PIGZ: variants seen among roughly 807,000 people sequenced by gnomAD.
PIGZ encodes the protein phosphatidylinositol glycan anchor biosynthesis class Z (Gwada blood group), also known as GPI alpha-1,2-mannosyltransferase 4.
PIGZ carries 16 observed loss-of-function variants against 16.4 expected under a neutral mutation model. The observed-to-expected ratio is 0.97, with a 90% CI of 0.66 to 1.48. PIGZ has a LOEUF of 1.48. Ranked by LOEUF, PIGZ falls within the 40% of genes most tolerant of loss-of-function variation. PIGZ has a pLI of 0.00. For missense variants in PIGZ, 770 were observed against 739.2 expected, an observed-to-expected ratio of 1.04 and a Z score of -0.48; for synonymous variants, 409 against 338.4, an observed-to-expected ratio of 1.21 and a Z score of -2.29.
rs904543263 is a variant in PIGZ, at chr3:196,948,689, C to T, written c.212-4G>A. On this transcript the variant is annotated splice_polypyrimidine_tract_variant and splice_region_variant and intron_variant, in intron 2 of 2. Transcript: ENST00000412723. ...GCCTGAACGCCCAGGATGTCCTCTG[C>T]AGAGAGAGGCAGAGGTGAGCCAGTA... 1.4e-6 allele frequency: 2 copies of T among 1,445,194 alleles called. No homozygotes were observed. Among genetic ancestry groups the T allele is most frequent in the Non-Finnish European group, 1.8e-6 (2 of 1,101,862 alleles). 89.5% of individuals were successfully genotyped at this position (1,445,194 alleles called of 1,614,324 possible).
In PIGZ at chr3:196,955,573, TTTC is replaced by T. The variant is rs1393535836; in HGVS notation, c.1-3545_1-3543del. Among the ~76,000 whole-genome samples, 295 of 46,388 alleles carry T rather than the reference TTTC, an allele frequency of 6.4e-3. 1 individual carries two copies. Among genetic ancestry groups the T allele is most frequent in the African/African-American group, 0.023 (278 of 12,186 alleles). 30.4% of individuals were successfully genotyped at this position (46,388 alleles called of 152,430 possible). ...CCAGCCTTTTCTTTTCTTTTCTTTCTTTCTTTTTTTTTTTTTTTTTTTTGAGAT... is the reference window on the plus strand; with the variant it reads ...CCAGCCTTTTCTTTTCTTTTCTTTCTTTTTTTTTTTTTTTTTTTTTGAGAT... On this transcript the variant is annotated intron_variant, in intron 1 of 2. Coordinates refer to ENST00000412723, the MANE Select transcript of PIGZ (RefSeq NM_025163.4).
chr3:196,960,825 A>C (rs1717694146), intron 1 of PIGZ, among the ~76,000 whole-genome samples: 1 of 152,190 alleles, frequency 6.6e-6, no homozygotes, highest in African/African-American at 2.4e-5. Flanking sequence ...TTCAAGAACA[A>C]GGACAAAATA....
At chr3:196,961,532 C>T (rs1287078395) in intron 1 of PIGZ, among the ~76,000 whole-genome samples, 1 of 152,086 alleles carries the variant, frequency 6.6e-6, no homozygotes, top group Non-Finnish European at 1.5e-5. Context: ...TTGCTTGACC[C>T]CAGGAGTTCA....
At chr3:196,951,481 C>G (rs769322147) in intron 2 of PIGZ, 19 of 344,220 alleles carry the variant, frequency 5.5e-5, no homozygotes, top group Non-Finnish European at 8.3e-5. Flanking sequence ...TATGGAAGCT[C>G]TTGCCAAACA....
intron 2 of PIGZ, chr3:196,951,506 C>G (rs1324303739): frequency 5.1e-6 from 2 of 390,810 alleles, no homozygotes; most frequent in Non-Finnish European, 9.6e-6. Context: ...GGAAGCCTAA[C>G]TCTAATAAAA....
At chr3:196,955,576 C>CTT (rs56983600) in intron 1 of PIGZ, among the ~76,000 whole-genome samples, 32 of 42,542 alleles carry the variant, frequency 7.5e-4, no homozygotes, top group African/African-American at 1.0e-3. Flanking sequence ...TTCTTTCTTT[C>CTT]TTTTTTTTTT....
In PIGZ at chr3:196,948,347, G is replaced by C; in HGVS notation, c.550C>G (p.Leu184Val). The change falls in exon 3 of 3, where the codon CTC becomes GTC. Residue 184 changes from leucine to valine, a missense_variant. Coordinates refer to ENST00000412723, the MANE Select transcript of PIGZ (RefSeq NM_025163.4). ...ACCAGCACCAGCAGCCACGTGAAGA[G>C]GAGTCCCTCAATGGTGTTGGAGAAG... is the stretch of plus-strand genomic sequence containing the variant. The part of the protein sequence containing the change: ...RTFSNTIEGL[L>V]FTWLLVLVSS... 1 of 1,614,194 alleles carries C rather than the reference G, an allele frequency of 6.2e-7. No homozygotes were observed. The highest frequency in any genetic ancestry group is 8.5e-7 in the Non-Finnish European group (1 of 1,180,038).
Position 196,947,988 on chromosome 3 carries a change from G to A in PIGZ, c.909C>T (p.Pro303=), listed in dbSNP as rs61729253. ...PVNFLHYNLN[P]QNLARHGTHA... ...GCGTGCCATGTCTCGCCAGGTTTTGGGGATTCAGGTTGTAGTGCAAGAAGT... is the reference window on the plus strand; with the variant it reads ...GCGTGCCATGTCTCGCCAGGTTTTGAGGATTCAGGTTGTAGTGCAAGAAGT... Residue 303 remains proline, a synonymous_variant, in exon 3 of 3, where the codon CCC becomes CCT. Coordinates refer to ENST00000412723, the MANE Select transcript of PIGZ (RefSeq NM_025163.4). 4.4e-6 allele frequency: 7 copies of A among 1,605,634 alleles called. No individual in the cohort carries two copies. The African/African-American group carries it at 6.7e-5, about 15-fold the overall frequency.
chr3:196,947,843 C>T lies in PIGZ; in HGVS notation c.1054G>A (p.Gly352Ser). Residue 352 changes from glycine to serine, a missense_variant, in exon 3 of 3, where the codon GGC (glycine) becomes AGC (serine). Coordinates refer to ENST00000412723, the MANE Select transcript of PIGZ (RefSeq NM_025163.4). ...CGGGCACCCAGTGCCCTCAGGAGGCCCATTTGTGCAGAGGCCTGGAGGCCG... is the reference window on the plus strand; with the variant it reads ...CGGGCACCCAGTGCCCTCAGGAGGCTCATTTGTGCAGAGGCCTGGAGGCCG... Reference protein sequence around the residue: ...QVGLQASAQMGLLRALGARSL... With the variant: ...QVGLQASAQMSLLRALGARSL... The T allele has an allele frequency of 6.2e-7, 1 of 1,612,550 alleles. No individual in the cohort carries two copies. The highest frequency in any genetic ancestry group is 1.3e-5 in the African/African-American group (1 of 74,984).
intron 1 of PIGZ, among the ~76,000 whole-genome samples, chr3:196,964,545 A>G (rs1166052501): frequency 3.3e-5 from 5 of 150,150 alleles, no homozygotes; most frequent in African/African-American, 1.2e-4. Context: ...TTTAGTAGAG[A>G]TGGGGTTTCA....
Position 196,965,241 on chromosome 3 carries a change from CA to C in PIGZ, c.-1+3445del, listed in dbSNP as rs146221514. 0.12 allele frequency among the ~76,000 whole-genome samples: 18,343 copies of C among 152,216 alleles called. 1,334 individuals carry two copies. The highest frequency in any genetic ancestry group is 0.2 in the African/African-American group (8,193 of 41,506). ...CAGTTCTACATTGCTGGGGAAGTTTCAGGAAACTTACAGTCATAGCGGAAGG... is the reference window on the plus strand; with the variant it reads ...CAGTTCTACATTGCTGGGGAAGTTTCGGAAACTTACAGTCATAGCGGAAGG... On this transcript the variant is annotated intron_variant, in intron 1 of 2. Transcript: ENST00000412723. The surrounding 1 kb of genome is among the most constrained non-coding windows in gnomAD (Gnocchi z 4.2).
chr3:196,956,986 T>C (rs1717513559), intron 1 of PIGZ, among the ~76,000 whole-genome samples: 1 of 152,226 alleles, frequency 6.6e-6, no homozygotes. Context: ...TTTGTATAGT[T>C]AGTGAATTAT....
At chr3:196,962,546 C>T (rs73208211) in intron 1 of PIGZ, among the ~76,000 whole-genome samples, 1,689 of 152,038 alleles carry the variant, frequency 0.011, 16 homozygotes, top group Non-Finnish European at 0.019. Context: ...TCATGATCCC[C>T]TGGGAATGGA....
chr3:196,953,354 G>A (rs955143897), intron 1 of PIGZ, among the ~76,000 whole-genome samples: 5 of 152,218 alleles, frequency 3.3e-5, no homozygotes, highest in South Asian at 2.1e-4. Flanking sequence ...GAAAGTCAAC[G>A]GATGCCACCC....
intron 1 of PIGZ, among the ~76,000 whole-genome samples, chr3:196,953,789 C>T (rs977954524): frequency 2.7e-5 from 4 of 150,174 alleles, no homozygotes; most frequent in Non-Finnish European, 5.9e-5. Context: ...TCGCTTGAAA[C>T]CAGGAGGTCA....
chr3:196,956,207 T>C (rs574981276), intron 1 of PIGZ, among the ~76,000 whole-genome samples: 2 of 152,286 alleles, frequency 1.3e-5, no homozygotes, highest in African/African-American at 4.8e-5. Flanking sequence ...TAGAAAGTAA[T>C]CCTTCATTAG....
At chr3:196,952,054 G>A in intron 1 of PIGZ, 23 bp from the exon 2 acceptor site, 3 of 1,599,660 alleles carry the variant, frequency 1.9e-6, no homozygotes, top group Middle Eastern at 1.7e-4. Context: ...ACAGTTGTTG[G>A]TTATCACGAT....
intron 1 of PIGZ, among the ~76,000 whole-genome samples, chr3:196,955,155 C>T (rs546768781): frequency 3.3e-5 from 5 of 152,034 alleles, no homozygotes; most frequent in South Asian, 2.1e-4. Context: ...TGACCTCCTG[C>T]GTTCAAGCAA....
intron 1 of PIGZ, among the ~76,000 whole-genome samples, chr3:196,955,428 A>G (rs926041920): frequency 2.6e-5 from 4 of 152,036 alleles, no homozygotes; most frequent in African/African-American, 9.7e-5. Flanking sequence ...TGAATATCTT[A>G]TCATTATATA....
Sources: allele counts gnomAD v4.1 joint callset (sites outside exome capture counted in the v4.1 genomes callset), GRCh38; gene constraint gnomAD v4.1.1; non-coding constraint Gnocchi (gnomAD v3.1); transcripts MANE v1.5; gene names NCBI Gene and HGNC (gene_info 2026-07-23, HGNC 2026-07-21).